Variants in CNTN4 observed in about 807,000 individuals in gnomAD.
CNTN4 encodes the protein contactin 4, also known as contactin-4.
In CNTN4, 77 loss-of-function variants were observed where a neutral mutation model predicts 122.5. The ratio of observed to expected loss-of-function variants is 0.63; its 90% CI spans 0.52 to 0.76. The LOEUF (loss-of-function observed/expected upper bound fraction) is 0.76, where lower values mean the gene tolerates loss of function less well. Among genes scored for constraint, CNTN4 ranks in the 30% least tolerant of loss-of-function variants. The pLI is 0.00. For synonymous variants in CNTN4, 512 were observed against 447.0 expected (o/e 1.15, Z -1.83); for missense variants, 1,256 against 1,259.1 (o/e 1.00, Z 0.04).
At chr3:2,349,213 GTTAATA>G (rs1396011949) in intron 3 of CNTN4, among the ~76,000 whole-genome samples, 1 of 151,848 alleles carries the variant, frequency 6.6e-6, no homozygotes. Context: ...GGTCTCAAGA[GTTAATA>G]TTAACAAAGT....
rs566719422 is a variant in CNTN4, at chr3:2,667,270, A to G, written c.56-68945A>G. On this transcript the variant is annotated intron_variant, in intron 4 of 24. Coordinates refer to ENST00000418658, the MANE Select transcript of CNTN4 (RefSeq NM_175607.3). ...AGCACCTGCTGTTTCCTGACTTTTTAATGATTGCCATTCTAACTGGTGTGA... is the reference window on the plus strand; with the variant it reads ...AGCACCTGCTGTTTCCTGACTTTTTGATGATTGCCATTCTAACTGGTGTGA... Among the ~76,000 whole-genome samples the G allele has an allele frequency of 3.7e-4, 57 of 152,214 alleles. 1 individual carries two copies. The highest frequency in any genetic ancestry group is 3.7e-3 in the Admixed American group (56 of 15,304).
At chr3:2,891,323 G>A (rs147304529) in intron 10 of CNTN4, among the ~76,000 whole-genome samples, 22 of 152,062 alleles carry the variant, frequency 1.4e-4, no homozygotes, top group South Asian at 2.1e-4. Context: ...GGTGCATGCC[G>A]GTAGTCCCAA....
chr3:2,482,993 C>T (rs530323554), intron 3 of CNTN4, among the ~76,000 whole-genome samples: 2 of 152,264 alleles, frequency 1.3e-5, no homozygotes, highest in Non-Finnish European at 2.9e-5. Context: ...AGAAGGCCAC[C>T]ATCCTCCAGA....
At chr3:2,979,516 A>C (rs1693760790) in intron 13 of CNTN4, among the ~76,000 whole-genome samples, 1 of 152,114 alleles carries the variant, frequency 6.6e-6, no homozygotes, top group Non-Finnish European at 1.5e-5. Context: ...TAATGTGTAA[A>C]TCTATTGTTT....
Position 2,164,377 on chromosome 3 carries a change from G to A in CNTN4, c.-145+63738G>A, listed in dbSNP as rs77014893. Among the ~76,000 whole-genome samples, 884 of 152,086 alleles carry A rather than the reference G, an allele frequency of 5.8e-3. 10 individuals are homozygous for A. The highest frequency in any genetic ancestry group is 0.02 in the African/African-American group (829 of 41,476). On this transcript the variant is annotated intron_variant, in intron 2 of 24. Transcript: ENST00000418658. Reference sequence around the variant, plus strand: ...GAGGTTTTATAAGAGAGAGGATGACGCACATAGGATAGGTCTTGGGGCTCA... The same window carrying A: ...GAGGTTTTATAAGAGAGAGGATGACACACATAGGATAGGTCTTGGGGCTCA...
intron 4 of CNTN4, among the ~76,000 whole-genome samples, chr3:2,676,005 A>G (rs1364456632): frequency 6.6e-6 from 1 of 152,210 alleles, no homozygotes; most frequent in East Asian, 1.9e-4. Flanking sequence ...TCCATTTTAA[A>G]ATAATATAAT....
At chr3:2,600,535 A>C (rs1358370153) in intron 4 of CNTN4, among the ~76,000 whole-genome samples, 2 of 151,984 alleles carry the variant, frequency 1.3e-5, no homozygotes, top group East Asian at 1.9e-4. Flanking sequence ...TGAACTCATC[A>C]TTTTCTATGG....
chr3:2,139,438 C>T (rs1253365631), intron 2 of CNTN4, among the ~76,000 whole-genome samples: 1 of 152,202 alleles, frequency 6.6e-6, no homozygotes, highest in Admixed American at 6.5e-5. Flanking sequence ...TTAGATTGGA[C>T]ACTGCTACCT....
At chr3:2,964,851 C>G (rs942040668) in intron 13 of CNTN4, among the ~76,000 whole-genome samples, 3 of 152,172 alleles carry the variant, frequency 2.0e-5, no homozygotes, top group Non-Finnish European at 2.9e-5. Context: ...CCAAGTTTCT[C>G]CTTCCACAAC....
At chr3:2,947,380 A>G (rs921611130) in intron 13 of CNTN4, among the ~76,000 whole-genome samples, 20 of 152,304 alleles carry the variant, frequency 1.3e-4, no homozygotes, top group South Asian at 6.2e-4. Context: ...CTTACCTCCT[A>G]TAGGCAATAG....
At chr3:2,985,064 A>G (rs1421307320) in intron 13 of CNTN4, among the ~76,000 whole-genome samples, 1 of 152,210 alleles carries the variant, frequency 6.6e-6, no homozygotes, top group African/African-American at 2.4e-5. Flanking sequence ...CTGTGATGTG[A>G]ATGAACAAAA....
intron 4 of CNTN4, among the ~76,000 whole-genome samples, chr3:2,701,515 T>G (rs2086357903): frequency 6.6e-6 from 1 of 152,226 alleles, no homozygotes; most frequent in Admixed American, 6.5e-5. Context: ...GTTCTGAAGA[T>G]CCACTTATCC....
intron 3 of CNTN4, among the ~76,000 whole-genome samples, chr3:2,421,212 T>A (rs866037132): frequency 3.3e-5 from 5 of 151,504 alleles, no homozygotes; most frequent in African/African-American, 7.3e-5. Flanking sequence ...TAGAGGTGAC[T>A]AGGAGTGAGC....
chr3:2,698,217 C>G (rs575891338), intron 4 of CNTN4, among the ~76,000 whole-genome samples: 1 of 152,318 alleles, frequency 6.6e-6, no homozygotes, highest in African/African-American at 2.4e-5. Flanking sequence ...CATACTTTTA[C>G]TATTTTGTAA....
chr3:2,256,294 A>G (rs531326924), intron 2 of CNTN4, among the ~76,000 whole-genome samples: 1 of 152,346 alleles, frequency 6.6e-6, no homozygotes, highest in Admixed American at 6.5e-5. Flanking sequence ...TTGAGGCACT[A>G]ATTAATAGTC....
intron 7 of CNTN4, among the ~76,000 whole-genome samples, chr3:2,843,568 G>A (rs986418808): frequency 1.3e-5 from 2 of 152,172 alleles, no homozygotes; most frequent in South Asian, 2.1e-4. Flanking sequence ...ATTGGATCAT[G>A]GGAGTGGATC....
intron 6 of CNTN4, among the ~76,000 whole-genome samples, chr3:2,761,761 C>G (rs900688896): frequency 6.6e-6 from 1 of 152,054 alleles, no homozygotes; most frequent in African/African-American, 2.4e-5. Flanking sequence ...TCATTTTACT[C>G]TAACCAGCCA....
chr3:2,842,423 G>A (rs2093378801), intron 7 of CNTN4, among the ~76,000 whole-genome samples: 1 of 152,074 alleles, frequency 6.6e-6, no homozygotes, highest in South Asian at 2.1e-4. Context: ...TCTAGCTATC[G>A]TTTTACTCCT....
chr3:2,801,698 A>G (rs1021694458), intron 6 of CNTN4, among the ~76,000 whole-genome samples: 2 of 150,324 alleles, frequency 1.3e-5, no homozygotes, highest in Non-Finnish European at 1.5e-5. Context: ...TCTGTCAGAC[A>G]GTGAGGTAGG....
Sources: gnomAD v4.1 joint callset for allele counts (sites outside exome capture counted in the v4.1 genomes callset) on GRCh38, gnomAD v4.1.1 for gene constraint, MANE v1.5 for transcripts, NCBI Gene and HGNC (gene_info 2026-07-23, HGNC 2026-07-21) for gene names.